The following TFAP2D variants were observed in gnomAD, a reference collection of about 807,000 sequenced individuals.
The protein encoded by TFAP2D is transcription factor AP-2 delta.
Under a neutral mutation model 43.6 loss-of-function variants are expected in TFAP2D, and 9 were observed. The observed-to-expected ratio is 0.21, with a 90% CI of 0.12 to 0.36. The LOEUF is 0.36. Ranked by LOEUF, TFAP2D falls within the 10% of genes least tolerant of loss-of-function variation. The pLI is 1.00. For missense variants in TFAP2D, 513 were observed against 561.4 expected (o/e 0.91, Z 0.87); for synonymous variants, 256 against 224.9 (o/e 1.14, Z -1.24).
chr6:50,718,968 G>T (rs907543654), intron 2 of TFAP2D, 122 bp from the exon 3 acceptor site: 2 of 943,430 alleles, frequency 2.1e-6, no homozygotes, highest in African/African-American at 1.7e-5. Flanking sequence ...TCAGCTCAAT[G>T]CTTGCTTTCA....
At position 50,713,986 on chromosome 6, in the gene TFAP2D, T is replaced by G; in HGVS notation, c.-70T>G. 1 of 1,600,198 alleles carries G rather than the reference T, an allele frequency of 6.2e-7. No individual in the cohort carries two copies. The highest frequency in any genetic ancestry group is 8.5e-7 in the Non-Finnish European group (1 of 1,171,502). The stretch of plus-strand genomic sequence containing the variant: ...TTAAAAATTGGAAAATACAAGAAGT[T>G]TGGATTTTTTTTTCCCGATTCTTTT... On this transcript the variant is annotated 5_prime_UTR_variant, in exon 1 of 8. Transcript: ENST00000008391.
At chr6:50,772,122 C>G (rs915774454) in intron 7 of TFAP2D, among the ~76,000 whole-genome samples, 3 of 152,040 alleles carry the variant, frequency 2.0e-5, no homozygotes, top group Non-Finnish European at 4.4e-5. Context: ...AACCATCATT[C>G]TGAGCAAACT....
chr6:50,751,292 C>G lies in TFAP2D; in HGVS notation c.1107C>G (p.Asp369Glu), dbSNP rs747592412. 1 of 1,611,390 alleles carries G rather than the reference C, an allele frequency of 6.2e-7. No individual in the cohort carries two copies. The stretch of plus-strand genomic sequence containing the variant: ...CCTCCAGACCCACTCCAATTCTAGA[C>G]CTTGACATCCAGAGACATTTAACAC... ...LGSSRPTPILDLDIQRHLTHF... is the reference protein window; with the variant it reads ...LGSSRPTPILELDIQRHLTHF... Residue 369 changes from aspartate to glutamate, a missense_variant, in exon 7 of 8, where the codon GAC becomes GAG. Physicochemically the swap from Asp to Glu is conservative, Grantham distance 45 (BLOSUM62 2). Coordinates refer to ENST00000008391, the MANE Select transcript of TFAP2D (RefSeq NM_172238.4).
At chr6:50,760,629 A>C (rs1769350304) in intron 7 of TFAP2D, among the ~76,000 whole-genome samples, 1 of 152,020 alleles carries the variant, frequency 6.6e-6, no homozygotes, top group Non-Finnish European at 1.5e-5. Context: ...TGGGACCATG[A>C]GATAAGATAA....
In TFAP2D at chr6:50,715,296, T is replaced by C. The variant is rs78648104; in HGVS notation, c.220T>C (p.Phe74Leu). 140,422 of 1,613,818 alleles carry C rather than the reference T, an allele frequency of 0.087. 7,086 individuals are homozygous for C. Among genetic ancestry groups the C allele is most frequent in the East Asian group, 0.18 (8,191 of 44,808 alleles). The part of the protein sequence containing the change: ...HQYTPLHHQS[F>L]HYEFQHSHPA... Reference sequence around the variant, plus strand: ...GTACACCCCGCTCCACCACCAGTCCTTCCATTACGAGTTTCAGCACAGCCA... The same window carrying C: ...GTACACCCCGCTCCACCACCAGTCCCTCCATTACGAGTTTCAGCACAGCCA... The change falls in exon 2 of 8, where the codon TTC becomes CTC. Residue 74 changes from phenylalanine to leucine, a missense_variant. This residue lies in a region of TFAP2D where 311 missense variants were observed against 316.2 expected (regional missense o/e 0.98). Transcript: ENST00000008391.
intron 7 of TFAP2D, among the ~76,000 whole-genome samples, chr6:50,768,471 T>C (rs949114657): frequency 1.3e-5 from 2 of 151,966 alleles, no homozygotes; most frequent in African/African-American, 4.8e-5. Context: ...GGCTCTGAGA[T>C]TACAGGCATG....
chr6:50,751,361 T>A (rs1174920624), intron 7 of TFAP2D, 37 bp downstream of exon 7: 11 of 1,367,862 alleles, frequency 8.0e-6, no homozygotes, highest in Non-Finnish European at 1.0e-5. Context: ...AATTCTTTAC[T>A]AACCCAGATG....
At chr6:50,750,736 G>T (rs1313153154) in intron 6 of TFAP2D, among the ~76,000 whole-genome samples, 1 of 151,950 alleles carries the variant, frequency 6.6e-6, no homozygotes, top group Non-Finnish European at 1.5e-5. Context: ...AGCATATAAA[G>T]TTAGCTCATA....
intron 7 of TFAP2D, among the ~76,000 whole-genome samples, chr6:50,765,411 T>C (rs887105845): frequency 3.3e-5 from 5 of 152,226 alleles, no homozygotes; most frequent in Non-Finnish European, 7.3e-5. Context: ...ATGTTGTCAT[T>C]CTAATGTTTA....
At chr6:50,744,540 G>A (rs1434765929) in intron 5 of TFAP2D, among the ~76,000 whole-genome samples, 1 of 152,072 alleles carries the variant, frequency 6.6e-6, no homozygotes, top group Non-Finnish European at 1.5e-5. Context: ...TTACTTTGCT[G>A]GGAAGCCATT....
rs201941555 is a variant in TFAP2D, at chr6:50,729,331, G to A, written c.883+19G>A. 177 of 1,595,712 alleles carry A rather than the reference G, an allele frequency of 1.1e-4. No homozygotes were observed. Among genetic ancestry groups the A allele is most frequent in the Middle Eastern group, 6.6e-4 (4 of 6,020 alleles). ...GTTGAAGGTATGACTTTTCAGTTTA[G>A]CAAAATAATGCTGGAAGGTTGGCGT... On this transcript the variant is annotated intron_variant, in intron 5 of 7. Coordinates refer to ENST00000008391, the MANE Select transcript of TFAP2D (RefSeq NM_172238.4).
intron 7 of TFAP2D, among the ~76,000 whole-genome samples, chr6:50,756,349 G>C (rs906122820): frequency 1.3e-5 from 2 of 152,012 alleles, no homozygotes; most frequent in Non-Finnish European, 2.9e-5. Flanking sequence ...TGAAGAGGGA[G>C]TGTAATTAGA....
In TFAP2D at chr6:50,719,124, A is replaced by G. The variant is rs760365160; in HGVS notation, c.572A>G (p.Asn191Ser). ...GAGGCCCAGTGTGGGCTTGTTCTCAATGGCCAAGGTGGAGTGATAAGAAGA... is the reference window on the plus strand; with the variant it reads ...GAGGCCCAGTGTGGGCTTGTTCTCAGTGGCCAAGGTGGAGTGATAAGAAGA... ...SVEAQCGLVL[N>S]GQGGVIRRGG... Residue 191 changes from asparagine (N) to serine (S), a missense_variant, in exon 3 of 8, where the codon AAT becomes AGT. Coordinates refer to ENST00000008391, the MANE Select transcript of TFAP2D (RefSeq NM_172238.4). The G allele has an allele frequency of 4.3e-6, 7 of 1,613,870 alleles. No individual in the cohort carries two copies. The highest frequency in any genetic ancestry group is 1.3e-5 in the African/African-American group (1 of 74,896).
chr6:50,714,155 T>TGGCGGCGGTGGC (rs1264936551), intron 1 of TFAP2D, 61 bp downstream of exon 1: 9 of 1,508,144 alleles, frequency 6.0e-6, no homozygotes, highest in East Asian at 4.7e-5. Context: ...GCGGCGGCGG[T>TGGCGGCGGTGGC]GGCGGCGGTG....
At chr6:50,769,494 T>C (rs1769494247) in intron 7 of TFAP2D, among the ~76,000 whole-genome samples, 1 of 152,224 alleles carries the variant, frequency 6.6e-6, no homozygotes, top group South Asian at 2.1e-4. Flanking sequence ...CAAGAAGTGA[T>C]ACCAGCTTAA....
intron 7 of TFAP2D, among the ~76,000 whole-genome samples, chr6:50,765,576 C>T (rs1325914485): frequency 1.3e-5 from 2 of 152,138 alleles, no homozygotes; most frequent in Non-Finnish European, 2.9e-5. Flanking sequence ...GAAGTGATAT[C>T]TCATTGTAGT....
At chr6:50,740,235 A>AT in intron 5 of TFAP2D, among the ~76,000 whole-genome samples, 1 of 152,322 alleles carries the variant, frequency 6.6e-6, no homozygotes, top group Middle Eastern at 3.4e-3. Flanking sequence ...ATTTAATAAC[A>AT]TTGGGTTTTG....
intron 5 of TFAP2D, among the ~76,000 whole-genome samples, chr6:50,734,793 A>G (rs1367678263): frequency 6.6e-6 from 1 of 152,130 alleles, no homozygotes; most frequent in Non-Finnish European, 1.5e-5. Flanking sequence ...ATCATATATA[A>G]AGAAAAGATA....
At chr6:50,746,379 A>C (rs1221207602) in intron 6 of TFAP2D, among the ~76,000 whole-genome samples, 1 of 151,920 alleles carries the variant, frequency 6.6e-6, no homozygotes, top group Non-Finnish European at 1.5e-5. Context: ...CTGAGACTAC[A>C]GGCATGAGCC....
Sources: gnomAD v4.1 joint callset for allele counts (sites outside exome capture counted in the v4.1 genomes callset) on GRCh38, gnomAD v4.1.1 for gene constraint, gnomAD v4.1.1 regional missense constraint, MANE v1.5 for transcripts, NCBI Gene and HGNC (gene_info 2026-07-23, HGNC 2026-07-21) for gene names.